ATXN7L1: variants seen among roughly 807,000 people sequenced by gnomAD.
ATXN7L1 encodes ataxin 7 like 1, also known as ataxin-7-like protein 1.
Under a neutral mutation model 70.8 loss-of-function variants are expected in ATXN7L1, and 15 were observed. The ratio of observed to expected loss-of-function variants is 0.21; its 90% CI spans 0.14 to 0.33. The LOEUF (loss-of-function observed/expected upper bound fraction) is 0.33, where lower values mean the gene tolerates loss of function less well. Among genes scored for constraint, ATXN7L1 ranks in the 10% least tolerant of loss-of-function variants. The pLI is 1.00. For missense variants in ATXN7L1, 975 were observed against 1,097.1 expected (o/e 0.89, Z 1.57); for synonymous variants, 440 against 445.1 (o/e 0.99, Z 0.14).
At chr7:105,841,757 T>TGC (rs759868375) in intron 2 of ATXN7L1, among the ~76,000 whole-genome samples, 16 of 152,358 alleles carry the variant, frequency 1.1e-4, no homozygotes, top group Admixed American at 2.6e-4. Context: ...TCTCTTACTG[T>TGC]GCCTCATTTA....
intron 4 of ATXN7L1, among the ~76,000 whole-genome samples, chr7:105,646,567 G>A (rs1029215622): frequency 1.2e-4 from 18 of 151,930 alleles, no homozygotes; most frequent in African/African-American, 3.4e-4. Context: ...ATAGGCACCC[G>A]CCACCACACT....
intron 3 of ATXN7L1, among the ~76,000 whole-genome samples, chr7:105,677,625 TGC>T (rs1804890182): frequency 6.6e-6 from 1 of 152,216 alleles, no homozygotes; most frequent in Non-Finnish European, 1.5e-5. Context: ...GCTACCACAG[TGC>T]CAACTCATGG....
chr7:105,746,481 C>G (rs571244066), intron 3 of ATXN7L1, among the ~76,000 whole-genome samples: 1 of 152,210 alleles, frequency 6.6e-6, no homozygotes, highest in Non-Finnish European at 1.5e-5. Flanking sequence ...GCTTCTGCGT[C>G]TCTCCCCTGG....
chr7:105,805,327 G>A (rs1251898129), intron 2 of ATXN7L1, among the ~76,000 whole-genome samples: 1 of 152,180 alleles, frequency 6.6e-6, no homozygotes, highest in Non-Finnish European at 1.5e-5. Context: ...GAAGGAGAAC[G>A]CCAGCTGCTC....
chr7:105,643,455 C>A (rs563856961), intron 4 of ATXN7L1, among the ~76,000 whole-genome samples: 1 of 152,310 alleles, frequency 6.6e-6, no homozygotes, highest in South Asian at 2.1e-4. Context: ...CAGAACAAGG[C>A]GCCTGTTGTG....
In ATXN7L1 at chr7:105,696,659, T is replaced by A. The variant is rs543108359; in HGVS notation, c.356-31371A>T. 2.0e-5 allele frequency among the ~76,000 whole-genome samples: 3 copies of A among 152,320 alleles called. No homozygotes were observed. The South Asian group carries it at 6.2e-4, about 32-fold the overall frequency. On this transcript the variant is annotated intron_variant, in intron 3 of 11. Transcript: ENST00000419735. ...ATGTGGAATATTAGCAGGAATCTGT[T>A]GTAATTAGTACTGGCATGCTTAACC... is the stretch of plus-strand genomic sequence containing the variant.
In ATXN7L1 at chr7:105,731,754, A is replaced by AAAAGAAAAGAAAAGAAAAGAGAAAAG. The variant is rs1172387087; in HGVS notation, c.355+56849_355+56850insCTTTTCTCTTTTCTTTTCTTTTCTTT. Among the ~76,000 whole-genome samples, 648 of 99,134 alleles carry AAAAGAAAAGAAAAGAAAAGAGAAAAG rather than the reference A, an allele frequency of 6.5e-3. 11 individuals carry two copies. The highest frequency in any genetic ancestry group is 0.038 in the Middle Eastern group (6 of 156). 65.0% of individuals were successfully genotyped at this position (99,134 alleles called of 152,430 possible). On this transcript the variant is annotated intron_variant, in intron 3 of 11. Transcript: ENST00000419735. ...CTGGGCTTTCTTACTCCTTAAAAAG[A>AAAAGAAAAGAAAAGAAAAGAGAAAAG]AAAGAAAAGAAAAGAAAAGAAAAGA...
intron 5 of ATXN7L1, 94 bp downstream of exon 5, chr7:105,642,744 C>T (rs1798456175): frequency 1.4e-6 from 2 of 1,382,104 alleles, no homozygotes; most frequent in East Asian, 5.0e-5. Context: ...TGAAACAGAC[C>T]TGCTTAATGA....
chr7:105,738,296 C>T (rs521189), intron 3 of ATXN7L1, among the ~76,000 whole-genome samples: 106,208 of 152,092 alleles, frequency 0.7, 38,693 homozygotes, highest in East Asian at 1. Context: ...ACTAAACTCC[C>T]AGCTCTATAT....
chr7:105,799,918 C>T (rs893862850), intron 2 of ATXN7L1, among the ~76,000 whole-genome samples: 4 of 152,240 alleles, frequency 2.6e-5, no homozygotes, highest in Admixed American at 1.3e-4. Flanking sequence ...GACTGGCTAC[C>T]GACTGCACCA....
rs183022923 is a variant in ATXN7L1, at chr7:105,860,299, G to A, written c.250+15513C>T. Among the ~76,000 whole-genome samples, 28 of 151,984 alleles carry A rather than the reference G, an allele frequency of 1.8e-4. No homozygotes were observed. In the East Asian group the frequency reaches 4.8e-3, roughly 26 times the overall value. On this transcript the variant is annotated intron_variant, in intron 2 of 11. Coordinates refer to ENST00000419735, the MANE Select transcript of ATXN7L1 (RefSeq NM_020725.2). ...GGCAAAAAAGAGAATGGTGCAGAGT[G>A]GGGGTTACTACTGAATATTAAATGA...
intron 2 of ATXN7L1, among the ~76,000 whole-genome samples, chr7:105,825,444 ATAGTGACAGGATATACCCAATC>A (rs1326371351): frequency 6.6e-6 from 1 of 151,926 alleles, no homozygotes; most frequent in Non-Finnish European, 1.5e-5. Flanking sequence ...TGGGCCAAAA[ATAGTGACAGGATATACCCAATC>A]TAGTGGCCAA....
intron 4 of ATXN7L1, among the ~76,000 whole-genome samples, chr7:105,644,269 G>T (rs1331292777): frequency 6.6e-6 from 1 of 152,156 alleles, no homozygotes; most frequent in Non-Finnish European, 1.5e-5. Flanking sequence ...ACTTGTTCAT[G>T]AAATTATTTT....
At chr7:105,859,144 T>A (rs1816178196) in intron 2 of ATXN7L1, among the ~76,000 whole-genome samples, 1 of 152,076 alleles carries the variant, frequency 6.6e-6, no homozygotes, top group African/African-American at 2.4e-5. Flanking sequence ...ATACTGGTAT[T>A]ATGATTAGGC....
At chr7:105,785,346 G>A (rs987639954) in intron 3 of ATXN7L1, among the ~76,000 whole-genome samples, 2 of 152,142 alleles carry the variant, frequency 1.3e-5, no homozygotes, top group African/African-American at 4.8e-5. Context: ...GGCACCTGTA[G>A]TTCCAGCTAC....
At chr7:105,676,527 G>C (rs957825265) in intron 3 of ATXN7L1, among the ~76,000 whole-genome samples, 1 of 152,162 alleles carries the variant, frequency 6.6e-6, no homozygotes, top group South Asian at 2.1e-4. Flanking sequence ...CATGAGCTGG[G>C]ATTCCCCATA....
intron 3 of ATXN7L1, among the ~76,000 whole-genome samples, chr7:105,767,539 A>G (rs997734684): frequency 3.3e-5 from 5 of 152,206 alleles, no homozygotes; most frequent in African/African-American, 1.2e-4. Context: ...AGGCCAGAGA[A>G]GTGCCTTGCT....
At chr7:105,847,595 C>T (rs1814250522) in intron 2 of ATXN7L1, among the ~76,000 whole-genome samples, 1 of 152,160 alleles carries the variant, frequency 6.6e-6, no homozygotes, top group Non-Finnish European at 1.5e-5. Context: ...ACCCCAAGAA[C>T]AAGAGCTCAG....
At chr7:105,873,230 G>T (rs1563162063) in intron 2 of ATXN7L1, among the ~76,000 whole-genome samples, 1 of 152,210 alleles carries the variant, frequency 6.6e-6, no homozygotes, top group Non-Finnish European at 1.5e-5. Flanking sequence ...TCAATTCCCA[G>T]TTGGAATTTC....
Sources: allele counts gnomAD v4.1 joint callset (sites outside exome capture counted in the v4.1 genomes callset), GRCh38; gene constraint gnomAD v4.1.1; transcripts MANE v1.5; gene names NCBI Gene and HGNC (gene_info 2026-07-23, HGNC 2026-07-21).